The following NPEPPS variants were observed in gnomAD, a reference collection of about 807,000 sequenced individuals.
NPEPPS encodes the protein puromycin-sensitive aminopeptidase.
Under a neutral mutation model 115.5 loss-of-function variants are expected in NPEPPS, and 14 were observed. That is an observed-to-expected ratio of 0.12 (90% CI 0.08 to 0.19). NPEPPS has a LOEUF of 0.19. Among genes scored for constraint, NPEPPS ranks in the 10% least tolerant of loss-of-function variants. The probability of loss-of-function intolerance (pLI) is 1.00; values close to 1 mark genes in which losing one functional copy is unlikely to be tolerated. For missense variants in NPEPPS, 523 were observed against 1,110.8 expected (o/e 0.47, Z 7.52); for synonymous variants, 285 against 390.6 (o/e 0.73, Z 3.19).
intron 2 of NPEPPS, among the ~76,000 whole-genome samples, chr17:47,563,729 C>A (rs567505817): frequency 6.6e-6 from 1 of 152,146 alleles, no homozygotes; most frequent in South Asian, 2.1e-4. Flanking sequence ...TGCCACCACA[C>A]CCAGCTAATT....
At chr17:47,562,258 C>G (rs969757827) in intron 2 of NPEPPS, among the ~76,000 whole-genome samples, 1 of 152,224 alleles carries the variant, frequency 6.6e-6, no homozygotes, top group Non-Finnish European at 1.5e-5. Context: ...CCTAGCCTTA[C>G]AACTAGTGTC....
intron 2 of NPEPPS, among the ~76,000 whole-genome samples, chr17:47,555,348 T>C (rs1402721758): frequency 6.0e-5 from 2 of 33,284 alleles, no homozygotes; most frequent in Non-Finnish European, 1.6e-4. Context: ...TATGCTGTTC[T>C]TTTTTTTTTT....
upstream of NPEPPS, among the ~76,000 whole-genome samples, chr17:47,530,352 T>A (rs1476948571): frequency 3.6e-5 from 1 of 27,974 alleles, no homozygotes; most frequent in Non-Finnish European, 7.4e-5. Context: ...TTATTAAAGG[T>A]TTTTTTTTTT....
intron 13 of NPEPPS, 97 bp from the exon 14 acceptor site, chr17:47,599,579 A>G: frequency 1.1e-6 from 1 of 890,094 alleles, no homozygotes. Flanking sequence ...TCGTTCCAGC[A>G]TTTGTCACAG....
chr17:47,557,639 C>T (rs369356457), intron 2 of NPEPPS: 2 of 149,064 alleles, frequency 1.3e-5, no homozygotes, highest in Non-Finnish European at 3.0e-5. Flanking sequence ...CTTTTAGCTG[C>T]AGCCCACACT....
chr17:47,578,930 A>G (rs1301920245), intron 3 of NPEPPS, among the ~76,000 whole-genome samples: 1 of 152,222 alleles, frequency 6.6e-6, no homozygotes, highest in Non-Finnish European at 1.5e-5. Context: ...ATTTTATCCC[A>G]TTCTCACTAC....
intron 18 of NPEPPS, among the ~76,000 whole-genome samples, 159 bp from the exon 19 acceptor site, chr17:47,613,510 G>A (rs551431232): frequency 1.3e-4 from 19 of 151,930 alleles, no homozygotes; most frequent in Non-Finnish European, 2.1e-4. Context: ...CAGGTGATCC[G>A]CCTGCCTCGG....
intron 3 of NPEPPS, among the ~76,000 whole-genome samples, chr17:47,578,942 T>C (rs911916097): frequency 3.3e-5 from 5 of 152,214 alleles, no homozygotes; most frequent in Non-Finnish European, 7.4e-5. Context: ...TCTCACTACT[T>C]ACTAATTGTA....
intron 1 of NPEPPS, among the ~76,000 whole-genome samples, chr17:47,534,228 A>G (rs1908027278): frequency 6.6e-6 from 1 of 151,914 alleles, no homozygotes; most frequent in Admixed American, 6.6e-5. Flanking sequence ...AGTAGCTGGG[A>G]CTACAGGTGC....
intron 2 of NPEPPS, among the ~76,000 whole-genome samples, chr17:47,550,731 A>G (rs572153342): frequency 5.3e-5 from 8 of 151,252 alleles, no homozygotes; most frequent in South Asian, 2.1e-4. Flanking sequence ...GGTTCAAGCA[A>G]TTCTCCTGCC....
At chr17:47,558,746 G>A (rs1910228685) in intron 2 of NPEPPS, among the ~76,000 whole-genome samples, 1 of 152,106 alleles carries the variant, frequency 6.6e-6, no homozygotes. Flanking sequence ...TTAAGATAGG[G>A]TCTTGCGGCT....
intron 2 of NPEPPS, among the ~76,000 whole-genome samples, chr17:47,563,404 C>T (rs11079779): frequency 0.45 from 68,223 of 151,872 alleles, 16,304 homozygotes; most frequent in East Asian, 0.55. Context: ...AACACACTTA[C>T]ACATAGATGC....
intron 1 of NPEPPS, among the ~76,000 whole-genome samples, chr17:47,538,225 T>TTTTTTTTTTTTTTTA (rs1908468474): frequency 8.7e-6 from 1 of 115,176 alleles, no homozygotes. Flanking sequence ...TTTTTTTTTT[T>TTTTTTTTTTTTTTTA]GAGACAGAGT....
intron 5 of NPEPPS, among the ~76,000 whole-genome samples, chr17:47,583,598 A>AT (rs779137302): frequency 1.3e-4 from 19 of 151,658 alleles, no homozygotes; most frequent in Admixed American, 4.6e-4. Flanking sequence ...AAAAAAAAAA[A>AT]GAAAAAGGTC....
chr17:47,592,262 T>C (rs1192964733), intron 11 of NPEPPS, among the ~76,000 whole-genome samples: 1 of 152,046 alleles, frequency 6.6e-6, no homozygotes, highest in Non-Finnish European at 1.5e-5. Flanking sequence ...CAGGTGTGTT[T>C]GGGAGTGGAA....
At chr17:47,550,137 A>C (rs1193371727) in intron 2 of NPEPPS, among the ~76,000 whole-genome samples, 1 of 151,808 alleles carries the variant, frequency 6.6e-6, no homozygotes, top group Non-Finnish European at 1.5e-5. Context: ...GTTTTACCGT[A>C]TTAGCCAGGA....
At chr17:47,616,307 A>T (rs1410016207) in intron 19 of NPEPPS, among the ~76,000 whole-genome samples, 1 of 152,202 alleles carries the variant, frequency 6.6e-6, no homozygotes, top group Non-Finnish European at 1.5e-5. Flanking sequence ...CTGTAATCCC[A>T]GCACTTTGGA....
intron 13 of NPEPPS, among the ~76,000 whole-genome samples, chr17:47,596,762 A>G (rs1912901034): frequency 6.6e-6 from 1 of 152,242 alleles, no homozygotes; most frequent in Non-Finnish European, 1.5e-5. Flanking sequence ...TTTTTAAAAA[A>G]TTAGGCCGGG....
At chr17:47,619,672 G>A in intron 21 of NPEPPS, 65 bp from the exon 22 acceptor site, 2 of 1,273,840 alleles carry the variant, frequency 1.6e-6, no homozygotes, top group Non-Finnish European at 2.3e-6. Context: ...TTTATTTTTA[G>A]GGTAAATGGA....
Sources: allele counts gnomAD v4.1 joint callset (sites outside exome capture counted in the v4.1 genomes callset), GRCh38; gene constraint gnomAD v4.1.1; transcripts MANE v1.5; gene names NCBI Gene and HGNC (gene_info 2026-07-23, HGNC 2026-07-21).